The following KCNK10 variants were observed in gnomAD, a reference collection of about 807,000 sequenced individuals.
The protein encoded by KCNK10 is potassium two pore domain channel subfamily K member 10.
A neutral mutation model predicts 47.7 loss-of-function variants in KCNK10; 25 were observed. The observed-to-expected ratio is 0.52, with a 90% CI of 0.38 to 0.73. KCNK10 has a LOEUF of 0.73. Among genes scored for constraint, KCNK10 ranks in the 30% least tolerant of loss-of-function variants. KCNK10 has a pLI of 0.00. For missense variants in KCNK10, 563 were observed against 714.5 expected (o/e 0.79, Z 2.42); for synonymous variants, 303 against 285.6 (o/e 1.06, Z -0.61).
chr14:88,241,679 C>T (rs1217292547), intron 2 of KCNK10, among the ~76,000 whole-genome samples: 1 of 152,158 alleles, frequency 6.6e-6, no homozygotes, highest in Admixed American at 6.6e-5. Context: ...TGACATGTTC[C>T]CTGTACTTAT....
intron 1 of KCNK10, among the ~76,000 whole-genome samples, chr14:88,266,479 A>C (rs1207020542): frequency 6.6e-6 from 1 of 152,140 alleles, no homozygotes; most frequent in Non-Finnish European, 1.5e-5. Flanking sequence ...GATCTTCCCC[A>C]CTAGCCTATC....
intron 4 of KCNK10, among the ~76,000 whole-genome samples, chr14:88,196,256 T>C (rs1940554): frequency 0.19 from 29,463 of 152,110 alleles, 3,175 homozygotes; most frequent in East Asian, 0.41. Flanking sequence ...TAAAATTATA[T>C]GTGCAATTGT....
chr14:88,276,825 C>T (rs1394590353), intron 1 of KCNK10, among the ~76,000 whole-genome samples: 3 of 152,236 alleles, frequency 2.0e-5, no homozygotes, highest in East Asian at 3.9e-4. Context: ...GCAGTCCTGC[C>T]CTCTTTCTCT....
At chr14:88,189,662 T>A (rs1884685983) in intron 5 of KCNK10, among the ~76,000 whole-genome samples, 1 of 152,152 alleles carries the variant, frequency 6.6e-6, no homozygotes, top group African/African-American at 2.4e-5. Flanking sequence ...AAGGCTGTCC[T>A]AAAGTGAGTC....
At chr14:88,202,709 CAGAG>C (rs1170321448) in intron 4 of KCNK10, among the ~76,000 whole-genome samples, 3 of 147,562 alleles carry the variant, frequency 2.0e-5, no homozygotes, top group Non-Finnish European at 4.4e-5. Flanking sequence ...GGAACACAGA[CAGAG>C]AGAAGGCGGA....
chr14:88,195,026 TA>T lies in KCNK10; in HGVS notation c.682-2617del, dbSNP rs11430813. On this transcript the variant is annotated intron_variant, in intron 4 of 6. Transcript: ENST00000319231. The stretch of plus-strand genomic sequence containing the variant: ...ATGTTTTTGCTGCCCTCTAGGTATT[TA>T]AAAAAAAAAAAAGTTGCCTTAATTG... 4.4e-3 allele frequency among the ~76,000 whole-genome samples: 654 copies of T among 148,264 alleles called. 12 individuals are homozygous for T. The highest frequency in any genetic ancestry group is 0.034 in the Admixed American group (504 of 14,908).
intron 1 of KCNK10, among the ~76,000 whole-genome samples, chr14:88,319,236 T>C (rs1330331067): frequency 2.0e-5 from 3 of 152,192 alleles, no homozygotes; most frequent in African/African-American, 7.2e-5. Context: ...CCAAATGCTA[T>C]CCAAACCAAT....
intron 1 of KCNK10, among the ~76,000 whole-genome samples, chr14:88,306,068 A>G (rs1347451806): frequency 2.6e-5 from 4 of 152,240 alleles, no homozygotes; most frequent in Admixed American, 2.0e-4. Context: ...GTCAGAAGTG[A>G]GCCAGCATGA....
chr14:88,275,574 C>T (rs1446984002), intron 1 of KCNK10, among the ~76,000 whole-genome samples: 3 of 151,664 alleles, frequency 2.0e-5, no homozygotes, highest in South Asian at 4.2e-4. Context: ...GATGGCCAGG[C>T]GCAGTGGCTC....
chr14:88,239,949 C>G (rs1886406040), intron 3 of KCNK10, among the ~76,000 whole-genome samples: 1 of 151,050 alleles, frequency 6.6e-6, no homozygotes, highest in South Asian at 2.1e-4. Context: ...CAAAACTCAC[C>G]AAGTGTCAGA....
intron 1 of KCNK10, among the ~76,000 whole-genome samples, chr14:88,297,031 T>G (rs1195497284): frequency 2.0e-5 from 3 of 152,176 alleles, no homozygotes; most frequent in Admixed American, 6.5e-5. Flanking sequence ...CATCTAAGAA[T>G]TAATGTAGTA....
In KCNK10 at chr14:88,322,596, C is replaced by T. The variant is rs1270818072; in HGVS notation, c.52+151G>A. The T allele has an allele frequency of 5.9e-5, 58 of 978,058 alleles. No individual in the cohort carries two copies. Among genetic ancestry groups the T allele is most frequent in the Non-Finnish European group, 8.8e-5 (57 of 644,916 alleles). The allele number at this position is 978,058 out of a possible 1,614,324, so 60.6% of individuals were successfully genotyped here. ...CTGGGTTCGGAACCCACGCTGCCTC[C>T]GCCCTCCTCCCACCCGCGCTGCAGT... On this transcript the variant is annotated intron_variant, in intron 1 of 6. Coordinates refer to ENST00000319231, the MANE Select transcript of KCNK10 (RefSeq NM_138317.3). This position sits in a 1 kb window ranked among gnomAD's most constrained non-coding sequence, Gnocchi z 4.8.
intron 1 of KCNK10, among the ~76,000 whole-genome samples, chr14:88,321,240 G>A (rs1213427640): frequency 6.6e-6 from 1 of 152,072 alleles, no homozygotes; most frequent in South Asian, 2.1e-4. Context: ...CTCCTCCTTA[G>A]ACAATTAACT....
chr14:88,186,023 G>A lies in KCNK10; in HGVS notation c.1144C>T (p.Arg382Cys), dbSNP rs753247147. 1.2e-5 allele frequency: 19 copies of A among 1,613,516 alleles called. No individual in the cohort carries two copies. Among genetic ancestry groups the A allele is most frequent in the Non-Finnish European group, 1.5e-5 (18 of 1,179,948 alleles). Residue 382 changes from arginine to cysteine, a missense_variant, in exon 7 of 7, where the codon CGC becomes TGC. By Grantham distance (180) the Arg-to-Cys change is radical. Coordinates refer to ENST00000319231, the MANE Select transcript of KCNK10 (RefSeq NM_138317.3). The surrounding 1 kb of genome is among the most constrained non-coding windows in gnomAD (Gnocchi z 5.5). Reference sequence around the variant, plus strand: ...CGCTGGTCCAGGCCCAGCCGCCGGCGCTCCATGCTGCGGATGGTGGCCGCC... The same window carrying A: ...CGCTGGTCCAGGCCCAGCCGCCGGCACTCCATGCTGCGGATGGTGGCCGCC... ...QRAATIRSME[R>C]RRLGLDQRAH... is the part of the protein sequence containing the mutation.
chr14:88,276,824 C>T (rs1302910159), intron 1 of KCNK10, among the ~76,000 whole-genome samples: 2 of 152,256 alleles, frequency 1.3e-5, no homozygotes, highest in Non-Finnish European at 2.9e-5. Context: ...GGCAGTCCTG[C>T]CCTCTTTCTC....
intron 4 of KCNK10, among the ~76,000 whole-genome samples, chr14:88,192,649 C>A (rs750572119): frequency 3.3e-5 from 5 of 152,124 alleles, no homozygotes; most frequent in Non-Finnish European, 5.9e-5. Flanking sequence ...CCAGGTCAAA[C>A]AAACAAAAAA....
chr14:88,245,929 A>G (rs1421003185), intron 2 of KCNK10, among the ~76,000 whole-genome samples: 1 of 152,198 alleles, frequency 6.6e-6, no homozygotes, highest in African/African-American at 2.4e-5. Context: ...AAAGGACTTC[A>G]TCTGAGGGTA....
At chr14:88,208,981 T>C (rs992589838) in intron 4 of KCNK10, among the ~76,000 whole-genome samples, 3 of 152,198 alleles carry the variant, frequency 2.0e-5, no homozygotes, top group Non-Finnish European at 4.4e-5. Flanking sequence ...ATAGAAAGAC[T>C]GCAGATGTTG....
rs1389705062 is a variant in KCNK10, at chr14:88,182,253, GC to G, written c.*3281del. 2.0e-5 allele frequency: 3 copies of G among 152,178 alleles called. No individual in the cohort carries two copies. The highest frequency in any genetic ancestry group is 1.5e-5 in the Non-Finnish European group (1 of 68,012). The allele number at this position is 152,178 out of a possible 1,614,324, so 9.4% of individuals were successfully genotyped here. On this transcript the variant is annotated 3_prime_UTR_variant, in exon 7 of 7. Transcript: ENST00000319231. Reference sequence around the variant, plus strand: ...CTGCTTGCCAGTGAAGCAAAAGACAGCCCCCACTGAAGATGGTGGACGTGTG... The same window carrying G: ...CTGCTTGCCAGTGAAGCAAAAGACAGCCCCACTGAAGATGGTGGACGTGTG...
Sources: gnomAD v4.1 joint callset for allele counts (sites outside exome capture counted in the v4.1 genomes callset) on GRCh38, gnomAD v4.1.1 for gene constraint, Gnocchi (gnomAD v3.1) non-coding constraint, MANE v1.5 for transcripts, NCBI Gene and HGNC (gene_info 2026-07-23, HGNC 2026-07-21) for gene names.